The following TBC1D4 variants were observed in gnomAD, a reference collection of about 807,000 sequenced individuals.
TBC1D4 encodes the protein TBC (Tre-2, BUB2, CDC16) domain-containing protein.
Under a neutral mutation model 142.5 loss-of-function variants are expected in TBC1D4, and 121 were observed. The ratio of observed to expected loss-of-function variants is 0.85; its 90% CI spans 0.73 to 0.99. The LOEUF is 0.99. Among genes scored for constraint, TBC1D4 ranks in the 50% least tolerant of loss-of-function variants. TBC1D4 has a pLI of 0.00. For missense variants in TBC1D4, 1,475 were observed against 1,606.6 expected (o/e 0.92, Z 1.40); for synonymous variants, 630 against 628.2 (o/e 1.00, Z -0.04).
intron 4 of TBC1D4, among the ~76,000 whole-genome samples, chr13:75,351,007 A>C (rs1056141204): frequency 6.6e-6 from 1 of 152,220 alleles, no homozygotes; most frequent in Non-Finnish European, 1.5e-5. Flanking sequence ...TTTAGTCTAG[A>C]TACAACTGCA....
chr13:75,391,071 CACAA>C (rs1163412149), intron 1 of TBC1D4, among the ~76,000 whole-genome samples: 23 of 102,054 alleles, frequency 2.3e-4, no homozygotes, highest in African/African-American at 4.9e-4. Flanking sequence ...CACACACACA[CACAA>C]ACAACTTGTA....
At chr13:75,392,859 T>TG (rs1884563186) in intron 1 of TBC1D4, among the ~76,000 whole-genome samples, 1 of 152,124 alleles carries the variant, frequency 6.6e-6, no homozygotes, top group South Asian at 2.1e-4. Context: ...AGGCTTGTCT[T>TG]GAACTCCTAG....
chr13:75,359,138 C>G (rs1451284527), intron 3 of TBC1D4, among the ~76,000 whole-genome samples: 1 of 152,072 alleles, frequency 6.6e-6, no homozygotes, highest in African/African-American at 2.4e-5. Flanking sequence ...ATTTTTTAAC[C>G]TCCCTACATT....
intron 1 of TBC1D4, among the ~76,000 whole-genome samples, chr13:75,422,217 T>C (rs1355034158): frequency 1.3e-5 from 2 of 152,064 alleles, no homozygotes; most frequent in Non-Finnish European, 2.9e-5. Context: ...CTCAGTCTCA[T>C]GGAGTTCCTT....
At position 75,389,889 on chromosome 13, in the gene TBC1D4, G is replaced by T. The variant is rs1366480233; in HGVS notation, c.499-27282C>A. Among the ~76,000 whole-genome samples, 9 of 152,238 alleles carry T rather than the reference G, an allele frequency of 5.9e-5. No homozygotes were observed. The South Asian group carries it at 1.9e-3, about 32-fold the overall frequency. On this transcript the variant is annotated intron_variant, in intron 1 of 20. Transcript: ENST00000377636. ...ACAAGTTAAAACACTAAAGATGGTA[G>T]GAAATTCTCAGCAAACCAGAAGTCT...
At chr13:75,392,686 A>G (rs542998107) in intron 1 of TBC1D4, among the ~76,000 whole-genome samples, 1 of 148,204 alleles carries the variant, frequency 6.7e-6, no homozygotes, top group Admixed American at 6.9e-5. Context: ...CCCCAGCTGG[A>G]GTGCAGTGGC....
chr13:75,286,985 T>C lies in TBC1D4; in HGVS notation c.3704A>G (p.Glu1235Gly). ...TKIQALESNL[E>G]NLLTRETKMK... is the part of the protein sequence containing the mutation. ...TTTGGTCTCTCTCGTCAAAAGATTT[T>C]CCAGGTTTGATTCCAAGGCCTGGAT... is the stretch of plus-strand genomic sequence containing the variant. Residue 1235 changes from glutamate (E) to glycine (G), a missense_variant, in exon 21 of 21, where the codon GAA becomes GGA. Coordinates refer to ENST00000377636, the MANE Select transcript of TBC1D4 (RefSeq NM_014832.5). The C allele has an allele frequency of 6.2e-7, 1 of 1,613,906 alleles. No homozygotes were observed. Among genetic ancestry groups the C allele is most frequent in the Non-Finnish European group, 8.5e-7 (1 of 1,179,964 alleles).
intron 4 of TBC1D4, among the ~76,000 whole-genome samples, chr13:75,352,447 G>A (rs1447593086): frequency 1.3e-5 from 2 of 151,854 alleles, no homozygotes; most frequent in African/African-American, 4.8e-5. Context: ...CATCTGTGGA[G>A]TTTACTTTTT....
chr13:75,407,376 C>T (rs142518858), intron 1 of TBC1D4, among the ~76,000 whole-genome samples: 9 of 152,222 alleles, frequency 5.9e-5, no homozygotes, highest in African/African-American at 1.2e-4. Flanking sequence ...CTCAAACAGC[C>T]GGAAAGATTA....
intron 12 of TBC1D4, among the ~76,000 whole-genome samples, chr13:75,315,340 C>T (rs1392550501): frequency 3.4e-5 from 5 of 146,090 alleles, no homozygotes; most frequent in African/African-American, 1.3e-4. Context: ...AAAAAACCTT[C>T]CTGAATATTG....
chr13:75,481,410 C>T lies in TBC1D4; in HGVS notation c.358G>A (p.Glu120Lys), dbSNP rs1212834873. ...CGCGAGATATGCTGCGCCTTGTGCT[C>T]GAAGATGAATACCGCCGGGTTGGGC... ...TQPNPAVFIF[E>K]HKAQHISRFI... The change falls in exon 1 of 21, where the codon GAG (glutamate) becomes AAG (lysine). Residue 120 changes from glutamate (E) to lysine (K), a missense_variant. This residue lies in a region of TBC1D4 where 1,227 missense variants were observed against 1,267.7 expected (regional missense o/e 0.97). Transcript: ENST00000377636. The T allele has an allele frequency of 6.2e-7, 1 of 1,613,862 alleles. No individual in the cohort carries two copies. Among genetic ancestry groups the T allele is most frequent in the Non-Finnish European group, 8.5e-7 (1 of 1,179,818 alleles).
intron 1 of TBC1D4, among the ~76,000 whole-genome samples, chr13:75,434,415 C>A (rs890706444): frequency 4.6e-5 from 7 of 152,008 alleles, no homozygotes; most frequent in Non-Finnish European, 1.0e-4. Context: ...GAACAGAAAA[C>A]CAAATACCAC....
intron 1 of TBC1D4, among the ~76,000 whole-genome samples, chr13:75,384,733 A>C (rs1221146893): frequency 6.6e-6 from 1 of 152,138 alleles, no homozygotes; most frequent in Non-Finnish European, 1.5e-5. Flanking sequence ...TCAGAAAAAA[A>C]AGAACTTTGG....
chr13:75,462,112 C>T (rs1225495951), intron 1 of TBC1D4, among the ~76,000 whole-genome samples: 1 of 152,180 alleles, frequency 6.6e-6, no homozygotes, highest in Non-Finnish European at 1.5e-5. Context: ...ATGGCTCTCA[C>T]TGCCTAATCC....
chr13:75,343,135 T>C (rs777480370), intron 5 of TBC1D4, among the ~76,000 whole-genome samples: 1 of 152,182 alleles, frequency 6.6e-6, no homozygotes, highest in East Asian at 1.9e-4. Flanking sequence ...TCTAAGAAAA[T>C]ATGAGGTGCC....
intron 1 of TBC1D4, among the ~76,000 whole-genome samples, chr13:75,477,525 C>T (rs994041809): frequency 3.3e-5 from 5 of 152,174 alleles, no homozygotes; most frequent in East Asian, 1.9e-4. Flanking sequence ...AATTATAAAA[C>T]ATAATGATGC....
At chr13:75,470,965 G>A (rs1464700102) in intron 1 of TBC1D4, among the ~76,000 whole-genome samples, 5 of 149,756 alleles carry the variant, frequency 3.3e-5, no homozygotes, top group Admixed American at 2.7e-4. Context: ...CAGCCCAGGT[G>A]ACAAAGTGAG....
At chr13:75,447,485 G>A (rs1033412603) in intron 1 of TBC1D4, among the ~76,000 whole-genome samples, 1 of 141,012 alleles carries the variant, frequency 7.1e-6, no homozygotes, top group African/African-American at 2.7e-5. Flanking sequence ...AAGCTGATGG[G>A]CATGCATAGT....
intron 1 of TBC1D4, among the ~76,000 whole-genome samples, chr13:75,421,128 G>T (rs1318073525): frequency 6.6e-6 from 1 of 152,162 alleles, no homozygotes; most frequent in Non-Finnish European, 1.5e-5. Context: ...TTCTTTTGGA[G>T]AAATGATAAA....
Sources: gnomAD v4.1 joint callset for allele counts (sites outside exome capture counted in the v4.1 genomes callset) on GRCh38, gnomAD v4.1.1 for gene constraint, gnomAD v4.1.1 regional missense constraint, MANE v1.5 for transcripts, NCBI Gene and HGNC (gene_info 2026-07-23, HGNC 2026-07-21) for gene names.